GSS: variants seen among roughly 807,000 people sequenced by gnomAD.
GSS encodes GSH synthetase.
GSS carries 34 observed loss-of-function variants against 60.4 expected under a neutral mutation model. That is an observed-to-expected ratio of 0.56 (90% CI 0.43 to 0.75). The LOEUF (loss-of-function observed/expected upper bound fraction) is 0.75. Among genes scored for constraint, GSS ranks in the 30% least tolerant of loss-of-function variants. GSS has a pLI of 0.00. For missense variants in GSS, 499 were observed against 595.1 expected, an observed-to-expected ratio of 0.84 and a Z score of 1.68; for synonymous variants, 224 against 239.0, an observed-to-expected ratio of 0.94 and a Z score of 0.58.
Position 34,935,567 on chromosome 20 carries a change from A to G in GSS, c.834+9T>C. 1.2e-6 allele frequency: 2 copies of G among 1,602,240 alleles called. No homozygotes were observed. Among genetic ancestry groups the G allele is most frequent in the South Asian group, 2.2e-5 (2 of 90,840 alleles). ...GGAGGCAAAGAATGGTCTCACAGAAAATACCAACCTGTAGACTGTACTGAC... is the reference window on the plus strand; with the variant it reads ...GGAGGCAAAGAATGGTCTCACAGAAGATACCAACCTGTAGACTGTACTGAC... On this transcript the variant is annotated intron_variant, in intron 9 of 12. Transcript: ENST00000651619.
rs764687998 is a variant in GSS at position 34,931,369 on chromosome 20, G to A, written c.1078C>T (p.Arg360Trp). The A allele has an allele frequency of 2.1e-5, 34 of 1,614,190 alleles. No individual in the cohort carries two copies. In the Admixed American group the frequency reaches 3.0e-4, roughly 14 times the overall value. The stretch of plus-strand genomic sequence containing the variant: ...TCTCTCTGGGGCTTTAGCACAAACC[G>A]GCTAGGGGCAGCAAGGGCCTCGGCG... ...AIAEALAAPS[R>W]FVLKPQREGG... Residue 360 changes from arginine (R) to tryptophan (W), a missense_variant, in exon 11 of 13, where the codon CGG becomes TGG. Coordinates refer to ENST00000651619, the MANE Select transcript of GSS (RefSeq NM_000178.4).
chr20:34,946,007 A>G lies in GSS; in HGVS notation c.221T>C (p.Leu74Pro). The change falls in exon 3 of 13, where the codon CTG becomes CCG. Residue 74 changes from leucine to proline, a missense_variant. Physicochemically the swap from Leu to Pro is moderately conservative, Grantham distance 98. Transcript: ENST00000651619. ...GTTCTGGCTGACAGCATCCACTAGC[A>G]GGTTGAAGTCCATCTGCACAGCATA... is the stretch of plus-strand genomic sequence containing the variant. ...QAYAVQMDFN[L>P]LVDAVSQNAA... The G allele has an allele frequency of 1.2e-6, 2 of 1,614,182 alleles. No homozygotes were observed. Among genetic ancestry groups the G allele is most frequent in the Non-Finnish European group, 8.5e-7 (1 of 1,180,016 alleles).
chr20:34,943,127 C>T (rs964397308), intron 3 of GSS, 121 bp from the exon 4 acceptor site: 37 of 731,972 alleles, frequency 5.1e-5, no homozygotes, highest in Admixed American at 8.0e-5. Context: ...CTTGAATGTC[C>T]GCCCCAATGT....
chr20:34,940,510 T>C (rs977869460), intron 6 of GSS, among the ~76,000 whole-genome samples: 1 of 151,876 alleles, frequency 6.6e-6, no homozygotes, highest in Admixed American at 6.6e-5. Flanking sequence ...TAGAGGGAGG[T>C]AGACTTTGGG....
Position 34,945,935 on chromosome 20 carries a change from T to A in GSS, c.275+18A>T, listed in dbSNP as rs1450050525. 11 of 1,613,476 alleles carry A rather than the reference T, an allele frequency of 6.8e-6. No homozygotes were observed. Among genetic ancestry groups the A allele is most frequent in the Admixed American group, 1.7e-5 (1 of 59,990 alleles). On this transcript the variant is annotated intron_variant, in intron 3 of 12. Transcript: ENST00000651619. ...GCTCTGGCAGCTCCTGGCCCCCCAA[T>A]GCTTCACTGTCCCCTACCTGGAAAG...
chr20:34,941,877 C>T, intron 5 of GSS, 48 bp from the exon 6 acceptor site: 1 of 1,014,948 alleles, frequency 9.9e-7, no homozygotes, highest in Non-Finnish European at 1.6e-6. Context: ...ACCTGGAAGA[C>T]CCCTCTGCCC....
intron 2 of GSS, among the ~76,000 whole-genome samples, chr20:34,950,928 T>A (rs763618390): frequency 3.3e-5 from 5 of 152,218 alleles, no homozygotes; most frequent in Non-Finnish European, 7.3e-5. Flanking sequence ...GATTTTATTT[T>A]TTTATTTTTT....
intron 3 of GSS, among the ~76,000 whole-genome samples, chr20:34,945,221 C>A (rs1334469405): frequency 6.6e-6 from 1 of 151,700 alleles, no homozygotes; most frequent in African/African-American, 2.4e-5. Flanking sequence ...CGGGGTTTCA[C>A]CATGTTGGCC....
chr20:34,943,541 C>T (rs2081500551), intron 3 of GSS, among the ~76,000 whole-genome samples: 1 of 152,070 alleles, frequency 6.6e-6, no homozygotes, highest in Non-Finnish European at 1.5e-5. Flanking sequence ...GCCCTGTGCA[C>T]CAATAAGATT....
intron 6 of GSS, 51 bp downstream of exon 6, chr20:34,941,662 T>C (rs753166123): frequency 6.0e-6 from 6 of 993,208 alleles, no homozygotes; most frequent in Admixed American, 5.1e-5. Context: ...GCTAAACCCA[T>C]GAATGCTGAA....
At chr20:34,944,295 C>G (rs1458149491) in intron 3 of GSS, among the ~76,000 whole-genome samples, 2 of 152,170 alleles carry the variant, frequency 1.3e-5, no homozygotes, top group Non-Finnish European at 2.9e-5. Context: ...CAAAGATGAG[C>G]TGCAAGTCTC....
chr20:34,941,418 G>T (rs972736896), intron 6 of GSS, among the ~76,000 whole-genome samples: 2 of 151,832 alleles, frequency 1.3e-5, no homozygotes, highest in African/African-American at 2.4e-5. Flanking sequence ...TATTAGCGCA[G>T]GCAAACAGCC....
At chr20:34,935,349 ATGGCTGAAGC>A (rs2081432693) in intron 9 of GSS, among the ~76,000 whole-genome samples, 3 of 152,204 alleles carry the variant, frequency 2.0e-5, no homozygotes, top group Admixed American at 2.0e-4. Flanking sequence ...AACAGTGTAA[ATGGCTGAAGC>A]TCTGTGGATT....
At chr20:34,929,043 C>T in intron 12 of GSS, 92 bp from the exon 13 acceptor site, 1 of 1,441,952 alleles carries the variant, frequency 6.9e-7, no homozygotes, top group Non-Finnish European at 9.7e-7. Flanking sequence ...ACCTGGGTAA[C>T]TGTCTATACC....
At chr20:34,955,859 GAGACCC>G (rs2081625855), upstream of GSS, 1 of 152,374 alleles carries the variant, frequency 6.6e-6, no homozygotes, top group African/African-American at 2.4e-5. Flanking sequence ...AGGCGGGGCA[GAGACCC>G]ATACCTTTGG....
At chr20:34,929,278 T>G in intron 12 of GSS, 123 bp downstream of exon 12, 4 of 882,262 alleles carry the variant, frequency 4.5e-6, no homozygotes, top group Non-Finnish European at 7.7e-6. Context: ...AAGCTAGTGA[T>G]TGGCAGAGCT....
rs2081569878 is a variant in GSS, at chr20:34,951,732, A to G, written c.121T>C (p.Ser41Pro). The change falls in exon 2 of 13, where the codon TCC (serine) becomes CCC (proline). Residue 41 changes from serine (S) to proline (P), a missense_variant. Coordinates refer to ENST00000651619, the MANE Select transcript of GSS (RefSeq NM_000178.4). Reference protein sequence around the residue: ...VLLRTSQEPTSSEVVSYAPFT... With the variant: ...VLLRTSQEPTPSEVVSYAPFT... ...AGGAGCTAGGGGCTTACCTCCGAGG[A>G]AGTGGGCTCCTGTGAGGTCCTCAGC... 1 of 1,608,512 alleles carries G rather than the reference A, an allele frequency of 6.2e-7. No individual in the cohort carries two copies. Among genetic ancestry groups the G allele is most frequent in the African/African-American group, 1.3e-5 (1 of 74,836 alleles).
chr20:34,937,023 A>G lies in GSS; in HGVS notation c.609T>C (p.Asn203=), dbSNP rs747264069. The part of the protein sequence containing the change: ...AKAWELYGSP[N]ALVLLIAQEK... ...CTTGAGCAATCAGTAGCACCAGAGC[A>G]CTGGGGAAAGAGCACAGGTGGCCCG... is the stretch of plus-strand genomic sequence containing the variant. The change falls in exon 7 of 13, where the codon AAT becomes AAC. Residue 203 remains asparagine (N), a splice_region_variant and synonymous_variant. Transcript: ENST00000651619. 4 of 1,612,380 alleles carry G rather than the reference A, an allele frequency of 2.5e-6. No individual in the cohort carries two copies. The highest frequency in any genetic ancestry group is 4.5e-5 in the East Asian group (2 of 44,878).
Position 34,936,743 on chromosome 20 carries a change from G to C in GSS, c.767+20C>G, listed in dbSNP as rs747856969. 1 of 1,566,380 alleles carries C rather than the reference G, an allele frequency of 6.4e-7. No individual in the cohort carries two copies. The highest frequency in any genetic ancestry group is 1.1e-5 in the South Asian group (1 of 90,068). ...GAGTTTCATAAACCAGCCTTCCACT[G>C]GATTCTTGGGAATGCTTACACAAAC... On this transcript the variant is annotated intron_variant, in intron 8 of 12. Coordinates refer to ENST00000651619, the MANE Select transcript of GSS (RefSeq NM_000178.4).
Sources: allele counts gnomAD v4.1 joint callset (sites outside exome capture counted in the v4.1 genomes callset), GRCh38; gene constraint gnomAD v4.1.1; transcripts MANE v1.5; gene names NCBI Gene and HGNC (gene_info 2026-07-23, HGNC 2026-07-21).